Variants in NRG1 observed in about 807,000 individuals in gnomAD.
NRG1 encodes pro-neuregulin-1, membrane-bound isoform.
In NRG1, 18 loss-of-function variants were observed where a neutral mutation model predicts 63.8. That is an observed-to-expected ratio of 0.28 (90% CI 0.19 to 0.42). The LOEUF (loss-of-function observed/expected upper bound fraction) is 0.42, where lower values mean the gene tolerates loss of function less well. Ranked by LOEUF, NRG1 falls within the 10% of genes least tolerant of loss-of-function variation. The pLI, the probability that NRG1 is intolerant of heterozygous loss-of-function variation, is 1.00. For synonymous variants in NRG1, 302 were observed against 301.3 expected (o/e 1.00, Z -0.02); for missense variants, 762 against 814.7 (o/e 0.94, Z 0.79).
chr8:31,742,514 G>A (rs1322165668), intron 1 of NRG1, among the ~76,000 whole-genome samples: 2 of 62,840 alleles, frequency 3.2e-5, no homozygotes, highest in Non-Finnish European at 5.9e-5. Context: ...GGAAAATGTT[G>A]TTTGACCTAT....
chr8:32,157,206 C>A (rs1422935691), intron 1 of NRG1, among the ~76,000 whole-genome samples: 1 of 151,062 alleles, frequency 6.6e-6, no homozygotes, highest in African/African-American at 2.4e-5. Context: ...TCCGTCTCTA[C>A]TAAAAATACA....
At chr8:31,678,285 C>G (rs565247437) in intron 1 of NRG1, among the ~76,000 whole-genome samples, 1 of 152,000 alleles carries the variant, frequency 6.6e-6, no homozygotes, top group Non-Finnish European at 1.5e-5. Context: ...GCCTCTGAAA[C>G]AGTTTAGTAA....
chr8:31,639,313 G>A, exon 1 of NRG1: 2 of 1,507,166 alleles, frequency 1.3e-6, no homozygotes, highest in Non-Finnish European at 1.8e-6. Flanking sequence ...AGCACTCGGG[G>A]CGACAGAGAG....
rs1823197995 is a variant in NRG1 at position 32,729,850 on chromosome 8, G to A, written c.632+1772G>A. Among the ~76,000 whole-genome samples, 4 of 152,182 alleles carry A rather than the reference G, an allele frequency of 2.6e-5. No homozygotes were observed. The South Asian group carries it at 8.3e-4, about 31-fold the overall frequency. On this transcript the variant is annotated intron_variant, in intron 6 of 11. Coordinates refer to ENST00000356819, the Ensembl canonical transcript of NRG1. ...GGTAGATTGGGCGTGTCTGTAGCGT[G>A]CCTGATGGGACCTCATGGCTCTGAA... is the stretch of plus-strand genomic sequence containing the variant.
chr8:32,523,490 G>T (rs1830528776), intron 1 of NRG1, among the ~76,000 whole-genome samples: 1 of 152,116 alleles, frequency 6.6e-6, no homozygotes, highest in South Asian at 2.1e-4. Context: ...TTCTTTAGTG[G>T]TAATTTCTAG....
Position 31,647,462 on chromosome 8 carries a change from T to C in NRG1, c.37+8031T>C, listed in dbSNP as rs569438588. ...TGTGTTATCAGTGAAGCAGCAGATGTGGTGGCAGCATTTTCCTCCACTGCA... is the reference window on the plus strand; with the variant it reads ...TGTGTTATCAGTGAAGCAGCAGATGCGGTGGCAGCATTTTCCTCCACTGCA... On this transcript the variant is annotated intron_variant, in intron 1 of 10. Transcript: ENST00000519301. Among the ~76,000 whole-genome samples, 22 of 152,298 alleles carry C rather than the reference T, an allele frequency of 1.4e-4. No individual in the cohort carries two copies. In the South Asian group the frequency reaches 2.9e-3, roughly 20 times the overall value.
At position 32,116,776 on chromosome 8, in the gene NRG1, C is replaced by T. The variant is rs933319726; in HGVS notation, c.37+477345C>T. On this transcript the variant is annotated intron_variant, in intron 1 of 10. Transcript: ENST00000519301. ...GAAAGCATGCTTCTATAGCTGGCTA[C>T]TTCATCAAACTTAATGGAACCATAT... is the stretch of plus-strand genomic sequence containing the variant. 5.3e-5 allele frequency among the ~76,000 whole-genome samples: 8 copies of T among 152,068 alleles called. No individual in the cohort carries two copies. In the East Asian group the frequency reaches 1.5e-3, roughly 29 times the overall value.
chr8:31,643,864 T>C (rs750029764), intron 1 of NRG1, among the ~76,000 whole-genome samples: 1 of 152,226 alleles, frequency 6.6e-6, no homozygotes, highest in Non-Finnish European at 1.5e-5. Flanking sequence ...AACACTGAGG[T>C]TGAATAACAT....
intron 1 of NRG1, among the ~76,000 whole-genome samples, chr8:32,286,675 T>G (rs942353981): frequency 3.3e-5 from 5 of 152,172 alleles, no homozygotes; most frequent in African/African-American, 1.2e-4. Context: ...GGCCATATGA[T>G]GCCTGCTACC....
At chr8:31,885,290 GAATA>G (rs1195239128) in intron 1 of NRG1, among the ~76,000 whole-genome samples, 5 of 152,008 alleles carry the variant, frequency 3.3e-5, no homozygotes, top group African/African-American at 1.2e-4. Context: ...CACAGTAAAT[GAATA>G]GTTACTGGAG....
intron 1 of NRG1, among the ~76,000 whole-genome samples, chr8:32,153,334 C>A (rs1837712335): frequency 6.6e-6 from 1 of 152,054 alleles, no homozygotes; most frequent in South Asian, 2.1e-4. Flanking sequence ...GTGATCTGCC[C>A]TAGACTGACT....
intron 1 of NRG1, among the ~76,000 whole-genome samples, chr8:31,693,532 C>G (rs961031304): frequency 3.3e-5 from 5 of 151,758 alleles, no homozygotes; most frequent in Non-Finnish European, 7.4e-5. Flanking sequence ...ACATAGCAAC[C>G]TCTATGAAAT....
chr8:31,642,553 T>C (rs532013361), intron 1 of NRG1, among the ~76,000 whole-genome samples: 2 of 147,900 alleles, frequency 1.4e-5, no homozygotes, highest in South Asian at 4.2e-4. Flanking sequence ...TCATATTCTA[T>C]TCTTGTGCTT....
intron 1 of NRG1, among the ~76,000 whole-genome samples, chr8:31,707,258 C>T (rs1158877093): frequency 6.6e-6 from 1 of 152,048 alleles, no homozygotes; most frequent in African/African-American, 2.4e-5. Context: ...ATTGAATTGA[C>T]TATCTTTTTC....
chr8:32,717,714 A>T (rs1484895924), intron 5 of NRG1, among the ~76,000 whole-genome samples: 1 of 152,216 alleles, frequency 6.6e-6, no homozygotes, highest in Non-Finnish European at 1.5e-5. Context: ...GCTAAATGGT[A>T]TATAGCAACG....
rs561494089 is a variant in NRG1 at position 31,882,937 on chromosome 8, A to G, written c.37+243506A>G. ...TGAAGATCCTGTGAACATTATTGAA[A>G]TGACAACAAAGGATTTAGAACATTA... On this transcript the variant is annotated intron_variant, in intron 1 of 10. Transcript: ENST00000519301. Among the ~76,000 whole-genome samples, 4 of 152,256 alleles carry G rather than the reference A, an allele frequency of 2.6e-5. No individual in the cohort carries two copies. In the South Asian group the frequency reaches 8.3e-4, roughly 32 times the overall value.
intron 1 of NRG1, among the ~76,000 whole-genome samples, chr8:31,748,728 C>T (rs1470803779): frequency 6.6e-6 from 1 of 151,692 alleles, no homozygotes; most frequent in African/African-American, 2.4e-5. Flanking sequence ...ATCTTTTCAC[C>T]TTTCTCTCCC....
At chr8:32,096,423 G>C (rs138805230) in intron 1 of NRG1, among the ~76,000 whole-genome samples, 25 of 152,192 alleles carry the variant, frequency 1.6e-4, no homozygotes, top group Admixed American at 7.2e-4. Flanking sequence ...ATTTCTTTGT[G>C]TTGGGAACAT....
At chr8:32,768,836 G>C (rs1225425168), downstream of NRG1, among the ~76,000 whole-genome samples, 4 of 152,160 alleles carry the variant, frequency 2.6e-5, no homozygotes, top group Non-Finnish European at 2.9e-5. Flanking sequence ...GGGGTAACCT[G>C]AGACTTCCCA....
Sources: gnomAD v4.1 joint callset for allele counts (sites outside exome capture counted in the v4.1 genomes callset) on GRCh38, gnomAD v4.1.1 for gene constraint, MANE v1.5 for transcripts, NCBI Gene and HGNC (gene_info 2026-07-23, HGNC 2026-07-21) for gene names.